The following PRKAG2 variants were observed in gnomAD, a reference collection of about 807,000 sequenced individuals.
The protein encoded by PRKAG2 is 5'-AMP-activated protein kinase subunit gamma-2.
In PRKAG2, 26 loss-of-function variants were observed where a neutral mutation model predicts 69.6. That is an observed-to-expected ratio of 0.37 (90% CI 0.27 to 0.52). The LOEUF is 0.52. Among genes scored for constraint, PRKAG2 ranks in the 20% least tolerant of loss-of-function variants. The pLI is 0.90. For synonymous variants in PRKAG2, 293 were observed against 285.0 expected, an observed-to-expected ratio of 1.03 and a Z score of -0.28; for missense variants, 557 against 740.0, an observed-to-expected ratio of 0.75 and a Z score of 2.87.
chr7:151,631,873 C>T, intron 5 of PRKAG2, 196 bp downstream of exon 5: 2 of 512,280 alleles, frequency 3.9e-6, no homozygotes, highest in Non-Finnish European at 6.9e-6. Context: ...CCTCCGCGGA[C>T]GCCCGGTACC....
chr7:151,749,005 G>A (rs1226104737), intron 3 of PRKAG2, among the ~76,000 whole-genome samples: 1 of 152,230 alleles, frequency 6.6e-6, no homozygotes, highest in Non-Finnish European at 1.5e-5. Context: ...GGGTGTTTTG[G>A]AGCCTCCGAG....
At chr7:151,815,640 T>C (rs2078619082) in intron 1 of PRKAG2, among the ~76,000 whole-genome samples, 1 of 152,204 alleles carries the variant, frequency 6.6e-6, no homozygotes, top group African/African-American at 2.4e-5. Flanking sequence ...AGCCTCCTGC[T>C]TCCAGGGATC....
In PRKAG2 at chr7:151,780,989, A is replaced by C. The variant is rs1451505449; in HGVS notation, c.466+163T>G. Among the ~76,000 whole-genome samples the C allele has an allele frequency of 6.6e-6, 1 of 152,048 alleles. No individual in the cohort carries two copies. The highest frequency in any genetic ancestry group is 6.6e-5 in the Admixed American group (1 of 15,258). On this transcript the variant is annotated intron_variant, in intron 3 of 15. Transcript: ENST00000287878. The surrounding 1 kb of genome is among the most constrained non-coding windows in gnomAD (Gnocchi z 4.2). ...GTGGAAACTGATGTTCTGGAGAGAG[A>C]TTTGTTTAGGGGGAAGTGGGGGTGG...
chr7:151,694,673 G>T (rs1372174283), intron 3 of PRKAG2, among the ~76,000 whole-genome samples: 3 of 152,328 alleles, frequency 2.0e-5, no homozygotes, highest in East Asian at 3.9e-4. Flanking sequence ...TCTACACACA[G>T]CACGGAGGGC....
At chr7:151,704,843 C>T (rs905298961) in intron 3 of PRKAG2, among the ~76,000 whole-genome samples, 6 of 152,164 alleles carry the variant, frequency 3.9e-5, no homozygotes, top group East Asian at 3.8e-4. Flanking sequence ...ACAGGGAGAG[C>T]GAGGCTGCTC....
At position 151,836,028 on chromosome 7, in the gene PRKAG2, CCAGGACCCAGTGCA is replaced by C. The variant is rs1260882864; in HGVS notation, c.114+40465_114+40478del. 8.5e-5 allele frequency among the ~76,000 whole-genome samples: 13 copies of C among 152,156 alleles called. No homozygotes were observed. The highest frequency in any genetic ancestry group is 3.2e-3 in the Middle Eastern group (1 of 316). ...ATCTAATTTGTGGGACTTGCAGGAC[CCAGGACCCAGTGCA>C]CATCCTGAGTCTAACTCACCCCGAC... On this transcript the variant is annotated intron_variant, in intron 1 of 15. Transcript: ENST00000287878. The surrounding 1 kb of genome is among the most constrained non-coding windows in gnomAD (Gnocchi z 4.1).
intron 1 of PRKAG2, among the ~76,000 whole-genome samples, chr7:151,826,859 C>T (rs528677929): frequency 6.6e-6 from 1 of 152,290 alleles, no homozygotes; most frequent in South Asian, 2.1e-4. Flanking sequence ...TTGCTCTATT[C>T]ACTTGTTTAT....
intron 3 of PRKAG2, among the ~76,000 whole-genome samples, chr7:151,677,289 C>T (rs553197616): frequency 8.5e-5 from 13 of 152,210 alleles, no homozygotes; most frequent in East Asian, 1.9e-4. Context: ...CGGGTTCAAG[C>T]GATTCTCCTG....
chr7:151,558,926 T>A, intron 15 of PRKAG2: 1 of 985,450 alleles, frequency 1.0e-6, no homozygotes, highest in Non-Finnish European at 1.2e-6. Context: ...TCGCTTGACT[T>A]GTTTACTCTT....
chr7:151,806,183 C>T (rs1463583254), intron 1 of PRKAG2, among the ~76,000 whole-genome samples: 3 of 152,196 alleles, frequency 2.0e-5, no homozygotes, highest in Admixed American at 6.5e-5. Context: ...AGCGAGACTC[C>T]GTCTCAACAA....
intron 15 of PRKAG2, chr7:151,559,249 C>T (rs555084930): frequency 7.8e-5 from 76 of 973,742 alleles, no homozygotes; most frequent in Middle Eastern, 5.3e-4. Flanking sequence ...AATCCTGTAT[C>T]GTATTCCATC....
chr7:151,873,584 C>T (rs2080269379), intron 1 of PRKAG2, among the ~76,000 whole-genome samples: 2 of 152,132 alleles, frequency 1.3e-5, no homozygotes, highest in Admixed American at 6.5e-5. Flanking sequence ...CTAACCAGAG[C>T]CTGGGCACGT....
chr7:151,771,763 A>G lies in PRKAG2; in HGVS notation c.466+9389T>C, dbSNP rs1368407120. Among the ~76,000 whole-genome samples the G allele has an allele frequency of 1.3e-5, 2 of 152,092 alleles. No homozygotes were observed. Among genetic ancestry groups the G allele is most frequent in the Non-Finnish European group, 2.9e-5 (2 of 68,036 alleles). ...TGTTTCATTTTCTATTTGGAGTGGG[A>G]AGCTGTATGGAAGTGGTCATCTTGA... On this transcript the variant is annotated intron_variant, in intron 3 of 15. Coordinates refer to ENST00000287878, the MANE Select transcript of PRKAG2 (RefSeq NM_016203.4). This position sits in a 1 kb window ranked among gnomAD's most constrained non-coding sequence, Gnocchi z 4.0.
chr7:151,762,941 G>A (rs1045050578), intron 3 of PRKAG2, among the ~76,000 whole-genome samples: 6 of 152,128 alleles, frequency 3.9e-5, no homozygotes, highest in East Asian at 1.9e-4. Context: ...AACAGGAGGC[G>A]TCCCCCAAAG....
chr7:151,707,390 C>T (rs964414202), intron 3 of PRKAG2, among the ~76,000 whole-genome samples: 1 of 152,178 alleles, frequency 6.6e-6, no homozygotes, highest in African/African-American at 2.4e-5. Context: ...GTCCCTCCTA[C>T]TAAACGGTGG....
At chr7:151,824,453 G>T (rs893119127) in intron 1 of PRKAG2, among the ~76,000 whole-genome samples, 1 of 152,180 alleles carries the variant, frequency 6.6e-6, no homozygotes, top group South Asian at 2.1e-4. Flanking sequence ...GAATGGTATC[G>T]ACTGATACTT....
At chr7:151,808,705 A>C (rs1334347277) in intron 1 of PRKAG2, among the ~76,000 whole-genome samples, 1 of 151,934 alleles carries the variant, frequency 6.6e-6, no homozygotes, top group Non-Finnish European at 1.5e-5. Flanking sequence ...ACAGGAGAAA[A>C]AAAAAAATAG....
Position 151,850,758 on chromosome 7 carries a change from T to C in PRKAG2, c.114+25749A>G, listed in dbSNP as rs1467670567. Among the ~76,000 whole-genome samples the C allele has an allele frequency of 6.6e-6, 1 of 152,256 alleles. No individual in the cohort carries two copies. Among genetic ancestry groups the C allele is most frequent in the Non-Finnish European group, 1.5e-5 (1 of 68,044 alleles). ...GGTGAGAGTCTGGTGCTCTGAGCGC[T>C]GCCTCGCAGTTGTGCAAATCAGTTC... On this transcript the variant is annotated intron_variant, in intron 1 of 15. Transcript: ENST00000287878. This position sits in a 1 kb window ranked among gnomAD's most constrained non-coding sequence, Gnocchi z 4.1.
intron 3 of PRKAG2, among the ~76,000 whole-genome samples, chr7:151,739,245 T>C (rs937610157): frequency 6.6e-6 from 1 of 152,196 alleles, no homozygotes. Flanking sequence ...GTAAGTGTGC[T>C]CTTCCTGCCT....
Sources: allele counts gnomAD v4.1 joint callset (sites outside exome capture counted in the v4.1 genomes callset), GRCh38; gene constraint gnomAD v4.1.1; non-coding constraint Gnocchi (gnomAD v3.1); transcripts MANE v1.5; gene names NCBI Gene and HGNC (gene_info 2026-07-23, HGNC 2026-07-21).